The following PREP variants were observed in gnomAD, a reference collection of about 807,000 sequenced individuals.
PREP encodes prolyl endopeptidase, also known as dJ355L5.1 (prolyl endopeptidase).
In PREP, 29 loss-of-function variants were observed where a neutral mutation model predicts 87.6. The ratio of observed to expected loss-of-function variants is 0.33; its 90% CI spans 0.25 to 0.45. The LOEUF (loss-of-function observed/expected upper bound fraction) is 0.45. PREP is among the 20% of genes least tolerant of loss of function. The pLI is 1.00. For synonymous variants in PREP, 337 were observed against 328.6 expected, an observed-to-expected ratio of 1.03 and a Z score of -0.28; for missense variants, 695 against 886.5, an observed-to-expected ratio of 0.78 and a Z score of 2.74.
intron 11 of PREP, 127 bp from the exon 12 acceptor site, chr6:105,285,707 C>T (rs1770176847): frequency 2.9e-6 from 2 of 692,078 alleles, no homozygotes; most frequent in Non-Finnish European, 5.0e-6. Flanking sequence ...AGGAGCTTGA[C>T]ATTTCTTTTA....
chr6:105,321,088 T>C (rs1333523218), intron 10 of PREP, among the ~76,000 whole-genome samples: 1 of 152,224 alleles, frequency 6.6e-6, no homozygotes, highest in Non-Finnish European at 1.5e-5. Flanking sequence ...AGGCACCTTT[T>C]ACACAACGAA....
rs185341154 is a variant in PREP at position 105,377,525 on chromosome 6, G to A, written c.121-6C>T. The A allele has an allele frequency of 3.1e-5, 50 of 1,610,170 alleles. No individual in the cohort carries two copies. The East Asian group carries it at 9.8e-4, about 32-fold the overall frequency. ...TTCTGGGCCTCCACAAAGGCCTGTGGAGAAATTAAAATGGACAAAGCAAGT... is the reference window on the plus strand; with the variant it reads ...TTCTGGGCCTCCACAAAGGCCTGTGAAGAAATTAAAATGGACAAAGCAAGT... On this transcript the variant is annotated splice_region_variant and splice_polypyrimidine_tract_variant and intron_variant, in intron 2 of 14. Transcript: ENST00000652536.
chr6:105,355,821 CT>C (rs1373929909), intron 6 of PREP, among the ~76,000 whole-genome samples: 1 of 152,112 alleles, frequency 6.6e-6, no homozygotes, highest in Non-Finnish European at 1.5e-5. Flanking sequence ...CTGTCTTCAA[CT>C]TTTGCATTTT....
rs529202859 is a variant in PREP at position 105,398,894 on chromosome 6, G to C, written c.46-967C>G. On this transcript the variant is annotated intron_variant, in intron 1 of 14. Transcript: ENST00000652536. Reference sequence around the variant, plus strand: ...AGACTGAGGCAGGCGGATCACTTGAGGTCAGGAGTTCAAGACCAGCCTGGC... The same window carrying C: ...AGACTGAGGCAGGCGGATCACTTGACGTCAGGAGTTCAAGACCAGCCTGGC... Among the ~76,000 whole-genome samples, 3 of 152,220 alleles carry C rather than the reference G, an allele frequency of 2.0e-5. No homozygotes were observed. In the South Asian group the frequency reaches 6.2e-4, roughly 32 times the overall value.
At chr6:105,376,962 G>GT (rs1269836743) in intron 3 of PREP, among the ~76,000 whole-genome samples, 1 of 152,242 alleles carries the variant, frequency 6.6e-6, no homozygotes, top group African/African-American at 2.4e-5. Flanking sequence ...GTAAGTGGGT[G>GT]TTAACGGGAC....
intron 7 of PREP, among the ~76,000 whole-genome samples, chr6:105,351,769 C>A (rs1771958595): frequency 1.3e-5 from 2 of 152,210 alleles, no homozygotes; most frequent in Non-Finnish European, 2.9e-5. Context: ...CTCACGCAAA[C>A]AATTCCTGGA....
At chr6:105,374,242 G>A (rs1326809426) in intron 4 of PREP, among the ~76,000 whole-genome samples, 1 of 152,160 alleles carries the variant, frequency 6.6e-6, no homozygotes, top group Non-Finnish European at 1.5e-5. Flanking sequence ...GTCCTTTAGG[G>A]CCCTGGCAGA....
At chr6:105,389,103 G>A (rs371079472) in intron 2 of PREP, among the ~76,000 whole-genome samples, 25 of 152,214 alleles carry the variant, frequency 1.6e-4, no homozygotes, top group African/African-American at 5.5e-4. Flanking sequence ...CAAACATTCT[G>A]ACTAAGCAAT....
chr6:105,309,349 T>A (rs528245682), intron 10 of PREP, among the ~76,000 whole-genome samples: 1 of 152,126 alleles, frequency 6.6e-6, no homozygotes, highest in African/African-American at 2.4e-5. Context: ...AAGAATGATA[T>A]AAATCATTCC....
chr6:105,325,243 G>A (rs1486035543), intron 9 of PREP, among the ~76,000 whole-genome samples: 1 of 151,978 alleles, frequency 6.6e-6, no homozygotes, highest in Non-Finnish European at 1.5e-5. Context: ...AAAAGACAAC[G>A]TGCAGACCAA....
At chr6:105,398,425 G>A (rs542227693) in intron 1 of PREP, among the ~76,000 whole-genome samples, 1 of 152,252 alleles carries the variant, frequency 6.6e-6, no homozygotes, top group Non-Finnish European at 1.5e-5. Context: ...CAAAAAGCAA[G>A]TTACTAATAT....
intron 3 of PREP, among the ~76,000 whole-genome samples, 178 bp from the exon 4 acceptor site, chr6:105,376,433 G>C (rs948811238): frequency 4.6e-5 from 7 of 152,156 alleles, no homozygotes; most frequent in Non-Finnish European, 1.0e-4. Flanking sequence ...TCTCTACCTA[G>C]AGCTTGTTAA....
chr6:105,299,364 C>T (rs1193631727), intron 10 of PREP, among the ~76,000 whole-genome samples: 1 of 152,170 alleles, frequency 6.6e-6, no homozygotes, highest in Non-Finnish European at 1.5e-5. Context: ...TTTGGGAGGC[C>T]AAGACGGACA....
chr6:105,377,263 G>T, intron 3 of PREP, 123 bp downstream of exon 3: 3 of 1,147,392 alleles, frequency 2.6e-6, no homozygotes, highest in South Asian at 3.3e-5. Flanking sequence ...TTCAGGCATA[G>T]AAATTAATTC....
chr6:105,358,265 T>G (rs1772154600), intron 6 of PREP, among the ~76,000 whole-genome samples: 1 of 152,178 alleles, frequency 6.6e-6, no homozygotes, highest in African/African-American at 2.4e-5. Flanking sequence ...ATTACTTGCA[T>G]TCCTAATCAT....
At chr6:105,302,722 G>A in intron 10 of PREP, 1 of 513,810 alleles carries the variant, frequency 1.9e-6, no homozygotes, top group Non-Finnish European at 3.8e-6. Context: ...GCCTGTCAGT[G>A]GCGATGCGCA....
rs1211458181 is a variant in PREP, at chr6:105,387,595, T to C, written c.121-10076A>G. The stretch of plus-strand genomic sequence containing the variant: ...ACATAAAATACACTAATACTAATGA[T>C]AGCTGATGAGCTAAAAAAAAAAAAA... On this transcript the variant is annotated intron_variant, in intron 2 of 14. Coordinates refer to ENST00000652536, the MANE Select transcript of PREP (RefSeq NM_002726.5). Among the ~76,000 whole-genome samples, 3 of 117,598 alleles carry C rather than the reference T, an allele frequency of 2.6e-5. No homozygotes were observed. In the East Asian group the frequency reaches 7.0e-4, roughly 27 times the overall value. 77.1% of individuals were successfully genotyped at this position (117,598 alleles called of 152,430 possible).
At chr6:105,285,029 CCA>C (rs963589044) in intron 12 of PREP, among the ~76,000 whole-genome samples, 2 of 152,098 alleles carry the variant, frequency 1.3e-5, no homozygotes, top group African/African-American at 4.8e-5. Flanking sequence ...AGGAGGATGC[CCA>C]CACTGGGAAC....
At chr6:105,310,068 A>G (rs921555701) in intron 10 of PREP, among the ~76,000 whole-genome samples, 3 of 152,212 alleles carry the variant, frequency 2.0e-5, no homozygotes, top group Non-Finnish European at 4.4e-5. Flanking sequence ...AGGTTTTCTT[A>G]GCACAGCTGT....
Sources: allele counts gnomAD v4.1 joint callset (sites outside exome capture counted in the v4.1 genomes callset), GRCh38; gene constraint gnomAD v4.1.1; transcripts MANE v1.5; gene names NCBI Gene and HGNC (gene_info 2026-07-23, HGNC 2026-07-21).